FAM178B: variants seen among roughly 807,000 people sequenced by gnomAD.
The protein encoded by FAM178B is family with sequence similarity 178 member B.
FAM178B carries 82 observed loss-of-function variants against 91.7 expected under a neutral mutation model. The observed-to-expected ratio is 0.89, with a 90% CI of 0.75 to 1.07. The LOEUF is 1.07. Among genes scored for constraint, FAM178B ranks in the 50% least tolerant of loss-of-function variants. The pLI is 0.00. For synonymous variants in FAM178B, 368 were observed against 359.4 expected (o/e 1.02, Z -0.27); for missense variants, 769 against 846.7 (o/e 0.91, Z 1.14).
intron 13 of FAM178B, among the ~76,000 whole-genome samples, chr2:96,899,564 TA>T (rs1173243592): frequency 1.9e-4 from 28 of 144,806 alleles, no homozygotes; most frequent in Admixed American, 1.4e-3. Flanking sequence ...CCATGTACTT[TA>T]AAAAAAAAAG....
Position 96,921,279 on chromosome 2 carries a change from C to T in FAM178B, c.1465-17G>A. On this transcript the variant is annotated splice_polypyrimidine_tract_variant and intron_variant, in intron 11 of 16. Transcript: ENST00000490605. ...TTCCTGGAGCTGCAGGAGAACGGCA[C>T]CCCATGGGCTACAGGAGGACACCGC... is the stretch of plus-strand genomic sequence containing the variant. The T allele has an allele frequency of 6.5e-7, 1 of 1,550,084 alleles. No individual in the cohort carries two copies. The highest frequency in any genetic ancestry group is 8.7e-7 in the Non-Finnish European group (1 of 1,145,762).
rs1163274715 is a variant in FAM178B at position 96,986,500 on chromosome 2, G to T, written c.-187C>A. 3 of 696,842 alleles carry T rather than the reference G, an allele frequency of 4.3e-6. No homozygotes were observed. Among genetic ancestry groups the T allele is most frequent in the Non-Finnish European group, 6.9e-6 (3 of 436,398 alleles). 43.2% of individuals were successfully genotyped at this position (696,842 alleles called of 1,614,324 possible). The stretch of plus-strand genomic sequence containing the variant: ...CGTGGAACCTAAAGATCCAGTTCTG[G>T]GGATTGAGTTCCGACTCCAAACCAA... On this transcript the variant is annotated 5_prime_UTR_variant, in exon 1 of 17. Coordinates refer to ENST00000490605, the MANE Select transcript of FAM178B (RefSeq NM_001122646.3).
In FAM178B at chr2:96,971,940, C is replaced by T; in HGVS notation, c.525G>A (p.Trp175Ter). Reference sequence around the variant, plus strand: ...CCTGCTGGCTCAGGCCTGACGTGTTCCAGAACAGCTTCTCTGGCAAGGCCA... The same window carrying T: ...CCTGCTGGCTCAGGCCTGACGTGTTTCAGAACAGCTTCTCTGGCAAGGCCA... ...RGLALPEKLF[W>*]NTSGLSQQAA... The change falls in exon 3 of 17, where the codon TGG (tryptophan) becomes TGA (stop). Residue 175 changes from tryptophan (W) to a stop codon, truncating the protein, a stop_gained. Coordinates refer to ENST00000490605, the MANE Select transcript of FAM178B (RefSeq NM_001122646.3). LOFTEE classifies it high-confidence loss of function. 1 of 1,539,908 alleles carries T rather than the reference C, an allele frequency of 6.5e-7. No individual in the cohort carries two copies. Among genetic ancestry groups the T allele is most frequent in the Admixed American group, 2.0e-5 (1 of 49,620 alleles).
At chr2:96,934,571 A>C (rs1479566646) in intron 8 of FAM178B, among the ~76,000 whole-genome samples, 1 of 152,158 alleles carries the variant, frequency 6.6e-6, no homozygotes, top group Non-Finnish European at 1.5e-5. Flanking sequence ...TCCTATTTTA[A>C]AAACATGCAC....
At chr2:96,954,028 C>A (rs1282219586) in intron 6 of FAM178B, among the ~76,000 whole-genome samples, 8 of 152,218 alleles carry the variant, frequency 5.3e-5, no homozygotes, top group African/African-American at 1.4e-4. Context: ...AGAGTCACGT[C>A]CCCACATCAA....
chr2:96,880,618 G>A (rs969227402), intron 14 of FAM178B, among the ~76,000 whole-genome samples: 72 of 150,510 alleles, frequency 4.8e-4, no homozygotes, highest in Non-Finnish European at 7.4e-5. Context: ...TTTTTGAGAC[G>A]GAGTCTCGCT....
At chr2:96,944,326 T>A (rs1301829614) in intron 8 of FAM178B, among the ~76,000 whole-genome samples, 1 of 151,782 alleles carries the variant, frequency 6.6e-6, no homozygotes. Flanking sequence ...GGCTGGAAAT[T>A]CTTCAGACAT....
chr2:96,898,074 T>C (rs937570652), intron 13 of FAM178B: 75 of 985,530 alleles, frequency 7.6e-5, no homozygotes, highest in Non-Finnish European at 9.0e-5. Flanking sequence ...TGCAAATTGC[T>C]GTGCCCAGAT....
At chr2:96,921,748 G>T in intron 10 of FAM178B, 94 bp from the exon 11 acceptor site, 1 of 1,292,926 alleles carries the variant, frequency 7.7e-7, no homozygotes, top group Non-Finnish European at 1.1e-6. Flanking sequence ...TAGGCAGAAG[G>T]GATGGTACTG....
chr2:96,895,200 C>A (rs1219904675), intron 13 of FAM178B: 3 of 971,038 alleles, frequency 3.1e-6, no homozygotes, highest in African/African-American at 3.4e-5. Flanking sequence ...AGAGCTTCTA[C>A]AGAAAAGATA....
intron 12 of FAM178B, among the ~76,000 whole-genome samples, chr2:96,908,056 C>T (rs879871965): frequency 4.6e-5 from 7 of 152,216 alleles, no homozygotes; most frequent in Admixed American, 1.3e-4. Flanking sequence ...GCCACCTGCT[C>T]GGCACTCCTT....
chr2:96,961,108 A>C (rs1447788477), intron 5 of FAM178B, among the ~76,000 whole-genome samples: 2 of 152,174 alleles, frequency 1.3e-5, no homozygotes, highest in Non-Finnish European at 2.9e-5. Context: ...AGCTGGCCCC[A>C]TGGACAAAGA....
intron 14 of FAM178B, among the ~76,000 whole-genome samples, chr2:96,880,166 G>A (rs2080344683): frequency 6.6e-6 from 1 of 152,174 alleles, no homozygotes; most frequent in African/African-American, 2.4e-5. Context: ...GTTTTTTGGG[G>A]GATGGCGAGT....
At chr2:96,978,881 T>A (rs1275807294) in intron 1 of FAM178B, among the ~76,000 whole-genome samples, 1 of 151,504 alleles carries the variant, frequency 6.6e-6, no homozygotes, top group Non-Finnish European at 1.5e-5. Context: ...CGCCTCGGCC[T>A]CTCAAAGTGC....
chr2:96,924,639 G>A (rs570024200), intron 9 of FAM178B, among the ~76,000 whole-genome samples: 41 of 152,210 alleles, frequency 2.7e-4, no homozygotes, highest in Non-Finnish European at 3.7e-4. Context: ...GAGCCTGGGC[G>A]GGATCACCTT....
chr2:96,973,497 G>C (rs1198170187), intron 1 of FAM178B, among the ~76,000 whole-genome samples: 1 of 152,176 alleles, frequency 6.6e-6, no homozygotes, highest in East Asian at 1.9e-4. Context: ...CTCCAGTCAA[G>C]ATGGACCATG....
chr2:96,891,509 A>C (rs1435259291), intron 14 of FAM178B, among the ~76,000 whole-genome samples: 3 of 152,066 alleles, frequency 2.0e-5, no homozygotes, highest in Non-Finnish European at 4.4e-5. Flanking sequence ...AAAGGAATTA[A>C]AACTGGATTC....
chr2:96,933,353 T>C (rs1199724762), intron 8 of FAM178B, among the ~76,000 whole-genome samples: 3 of 152,016 alleles, frequency 2.0e-5, no homozygotes. Context: ...AGGTTACCCT[T>C]CTGGGATGGA....
intron 14 of FAM178B, among the ~76,000 whole-genome samples, chr2:96,880,298 C>T (rs923637207): frequency 6.6e-5 from 10 of 152,130 alleles, no homozygotes; most frequent in African/African-American, 2.4e-4. Context: ...GAGGGCGGTT[C>T]CAGAAACAGA....
Sources: allele counts gnomAD v4.1 joint callset (sites outside exome capture counted in the v4.1 genomes callset), GRCh38; gene constraint gnomAD v4.1.1; transcripts MANE v1.5; gene names NCBI Gene and HGNC (gene_info 2026-07-23, HGNC 2026-07-21).